The following PDE7B variants were observed in gnomAD, a reference collection of about 807,000 sequenced individuals.
The protein encoded by PDE7B is phosphodiesterase 7B, also known as 3',5'-cyclic-AMP phosphodiesterase 7B.
In PDE7B, 29 loss-of-function variants were observed where a neutral mutation model predicts 56.2. The observed-to-expected ratio is 0.52, with a 90% CI of 0.38 to 0.70. The LOEUF (loss-of-function observed/expected upper bound fraction) is 0.70, where lower values mean the gene tolerates loss of function less well. PDE7B is among the 30% of genes least tolerant of loss of function. PDE7B has a pLI of 0.00. For missense variants in PDE7B, 490 were observed against 565.0 expected, an observed-to-expected ratio of 0.87 and a Z score of 1.35; for synonymous variants, 197 against 196.9, an observed-to-expected ratio of 1.00 and a Z score of 0.00.
intron 2 of PDE7B, among the ~76,000 whole-genome samples, chr6:136,008,458 A>G (rs1406363083): frequency 6.6e-6 from 1 of 152,170 alleles, no homozygotes; most frequent in Non-Finnish European, 1.5e-5. Context: ...CAACAGTGTA[A>G]AAGTGTTCCT....
intron 1 of PDE7B, among the ~76,000 whole-genome samples, chr6:135,884,582 A>G (rs1007400413): frequency 1.3e-5 from 2 of 152,134 alleles, no homozygotes; most frequent in Middle Eastern, 3.2e-3. Flanking sequence ...CAAATCCCAT[A>G]ACACTTGCTG....
At chr6:136,154,947 G>A (rs1778580649) in intron 7 of PDE7B, among the ~76,000 whole-genome samples, 2 of 152,162 alleles carry the variant, frequency 1.3e-5, no homozygotes, top group Non-Finnish European at 2.9e-5. Flanking sequence ...AAAGCTGGGT[G>A]GGTGCCTCAT....
At chr6:136,103,815 T>C (rs1175788518) in intron 2 of PDE7B, among the ~76,000 whole-genome samples, 3 of 152,186 alleles carry the variant, frequency 2.0e-5, no homozygotes, top group African/African-American at 7.2e-5. Context: ...GCTCTGTCCC[T>C]GACACCTTTT....
intron 12 of PDE7B, 108 bp downstream of exon 12, chr6:136,187,224 T>A: frequency 1.5e-6 from 1 of 661,956 alleles, no homozygotes; most frequent in Non-Finnish European, 2.7e-6. Flanking sequence ...ACTGGAGGTT[T>A]AATCAACATC....
intron 2 of PDE7B, among the ~76,000 whole-genome samples, chr6:136,065,640 C>A (rs775006124): frequency 2.0e-5 from 3 of 152,114 alleles, no homozygotes; most frequent in Non-Finnish European, 4.4e-5. Flanking sequence ...CAAACCAAAC[C>A]CAACAGCAAA....
chr6:135,918,312 G>C (rs1773996543), intron 1 of PDE7B, among the ~76,000 whole-genome samples: 1 of 152,136 alleles, frequency 6.6e-6, no homozygotes, highest in East Asian at 1.9e-4. Context: ...TCCAACATCT[G>C]AAACAGTTGC....
chr6:135,956,445 C>A (rs1466754236), intron 2 of PDE7B, among the ~76,000 whole-genome samples: 2 of 152,162 alleles, frequency 1.3e-5, no homozygotes, highest in South Asian at 2.1e-4. Context: ...TAGTGTGGAG[C>A]CAGGCCACAG....
In PDE7B at chr6:136,193,941, G is replaced by C. The variant is rs1317705163; in HGVS notation, c.*2101G>C. 1 of 152,192 alleles carries C rather than the reference G, an allele frequency of 6.6e-6. No individual in the cohort carries two copies. Among genetic ancestry groups the C allele is most frequent in the Non-Finnish European group, 1.5e-5 (1 of 68,022 alleles). The allele number at this position is 152,192 out of a possible 1,614,324, so 9.4% of individuals were successfully genotyped here. A position where few individuals can be genotyped will look rare whatever the true frequency, so the allele number is the denominator to read the frequency against. ...AAGTTGAAATTATTGATGTGGGTAA[G>C]AAGGGAGGTTGTGGAAAGTTAACAC... On this transcript the variant is annotated 3_prime_UTR_variant, in exon 13 of 13. Transcript: ENST00000308191.
At chr6:135,925,498 A>G (rs1774167645) in intron 1 of PDE7B, among the ~76,000 whole-genome samples, 1 of 152,218 alleles carries the variant, frequency 6.6e-6, no homozygotes, top group Non-Finnish European at 1.5e-5. Context: ...AATCAGCAAG[A>G]CATGCAAACT....
intron 12 of PDE7B, among the ~76,000 whole-genome samples, chr6:136,188,148 C>T (rs1779170095): frequency 6.6e-6 from 1 of 152,134 alleles, no homozygotes; most frequent in African/African-American, 2.4e-5. Context: ...ATCTAATCCA[C>T]CGTCCCACAG....
chr6:135,939,311 G>A (rs542393892), intron 1 of PDE7B, among the ~76,000 whole-genome samples: 2 of 152,044 alleles, frequency 1.3e-5, no homozygotes, highest in Non-Finnish European at 2.9e-5. Context: ...TCTTTTGCTG[G>A]TGTGTCTCTT....
At chr6:135,911,643 A>G (rs1776214095) in intron 1 of PDE7B, among the ~76,000 whole-genome samples, 1 of 152,136 alleles carries the variant, frequency 6.6e-6, no homozygotes, top group African/African-American at 2.4e-5. Flanking sequence ...TGTGTATGAG[A>G]AGACATGGTC....
chr6:135,921,928 A>T (rs1483530161), intron 1 of PDE7B, among the ~76,000 whole-genome samples: 2 of 152,118 alleles, frequency 1.3e-5, no homozygotes, highest in African/African-American at 4.8e-5. Context: ...AATAAAACTT[A>T]CTGGAGTAGA....
At chr6:136,148,470 AAGGCAGGC>A (rs71006787) in intron 4 of PDE7B, among the ~76,000 whole-genome samples, 48 of 130,244 alleles carry the variant, frequency 3.7e-4, no homozygotes, top group Non-Finnish European at 5.3e-4. Flanking sequence ...GGAAGGAAGG[AAGGCAGGC>A]AGGCAGGCAG....
chr6:136,067,133 G>A (rs1776954020), intron 2 of PDE7B, among the ~76,000 whole-genome samples: 1 of 152,106 alleles, frequency 6.6e-6, no homozygotes, highest in Non-Finnish European at 1.5e-5. Context: ...TTACAGGTGT[G>A]AGCCATTGCA....
At chr6:136,127,025 C>A (rs1778033768) in intron 3 of PDE7B, among the ~76,000 whole-genome samples, 1 of 152,028 alleles carries the variant, frequency 6.6e-6, no homozygotes, top group Non-Finnish European at 1.5e-5. Context: ...ACTATGTACC[C>A]ACAAAAATTA....
chr6:135,953,445 G>A (rs1467145428), intron 2 of PDE7B, among the ~76,000 whole-genome samples: 2 of 152,058 alleles, frequency 1.3e-5, no homozygotes, highest in African/African-American at 4.8e-5. Context: ...TTTAGGGGTT[G>A]TAGACCTGTT....
intron 2 of PDE7B, among the ~76,000 whole-genome samples, chr6:135,951,351 A>G (rs1774695153): frequency 6.6e-6 from 1 of 152,112 alleles, no homozygotes. Context: ...ACAGATACTA[A>G]AAGAAAGAGG....
intron 1 of PDE7B, among the ~76,000 whole-genome samples, chr6:135,926,172 C>T (rs113779598): frequency 0.055 from 8,302 of 149,970 alleles, 261 homozygotes; most frequent in African/African-American, 0.077. Context: ...CTGCAAGCTC[C>T]GCCTCCTGGG....
Sources: allele counts gnomAD v4.1 joint callset (sites outside exome capture counted in the v4.1 genomes callset), GRCh38; gene constraint gnomAD v4.1.1; transcripts MANE v1.5; gene names NCBI Gene and HGNC (gene_info 2026-07-23, HGNC 2026-07-21).